KHDRBS2: variants seen among roughly 807,000 people sequenced by gnomAD.
The protein encoded by KHDRBS2 is KH RNA binding domain containing, signal transduction associated 2.
A neutral mutation model predicts 44.3 loss-of-function variants in KHDRBS2; 26 were observed. The observed-to-expected ratio is 0.59, with a 90% CI of 0.43 to 0.81. The LOEUF (loss-of-function observed/expected upper bound fraction) is 0.81, where lower values mean the gene tolerates loss of function less well. Among genes scored for constraint, KHDRBS2 ranks in the 40% least tolerant of loss-of-function variants. The probability of loss-of-function intolerance (pLI) is 0.00; values close to 1 mark genes in which losing one functional copy is unlikely to be tolerated. For synonymous variants in KHDRBS2, 194 were observed against 151.1 expected (o/e 1.28, Z -2.08); for missense variants, 476 against 433.1 (o/e 1.10, Z -0.88).
At chr6:61,875,112 T>G (rs1450649090) in intron 6 of KHDRBS2, among the ~76,000 whole-genome samples, 1 of 151,916 alleles carries the variant, frequency 6.6e-6, no homozygotes, top group Non-Finnish European at 1.5e-5. Context: ...GAATTTTGAT[T>G]TGGGGACCTG....
In KHDRBS2 at chr6:61,981,414, A is replaced by T. The variant is rs113469096; in HGVS notation, c.337-3202T>A. ...TACGCTTTATGTTAACATTTATCAC[A>T]TCTTTAATTATTTATGAGAACCAAG... On this transcript the variant is annotated intron_variant, in intron 3 of 8. Coordinates refer to ENST00000281156, the MANE Select transcript of KHDRBS2 (RefSeq NM_152688.4). Among the ~76,000 whole-genome samples the T allele has an allele frequency of 6.6e-5, 10 of 151,526 alleles. 1 individual carries two copies. Among genetic ancestry groups the T allele is most frequent in the Admixed American group, 3.3e-4 (5 of 15,146 alleles).
At chr6:61,746,534 A>G in intron 6 of KHDRBS2, among the ~76,000 whole-genome samples, 1 of 151,822 alleles carries the variant, frequency 6.6e-6, no homozygotes, top group East Asian at 1.9e-4. Flanking sequence ...TACGTGTCAT[A>G]TTTTCTTTAT....
chr6:61,853,141 G>A (rs1795694334), intron 6 of KHDRBS2, among the ~76,000 whole-genome samples: 1 of 151,976 alleles, frequency 6.6e-6, no homozygotes, highest in Non-Finnish European at 1.5e-5. Context: ...TATTTTCCTT[G>A]ACCTTGGATT....
At chr6:62,283,353 A>G (rs989050713) in intron 1 of KHDRBS2, among the ~76,000 whole-genome samples, 229 of 152,280 alleles carry the variant, frequency 1.5e-3, no homozygotes, top group African/African-American at 5.3e-3. Flanking sequence ...ATTCTACATG[A>G]AGCACTGTCA....
At chr6:61,905,340 C>G (rs950103560) in intron 4 of KHDRBS2, among the ~76,000 whole-genome samples, 1 of 151,480 alleles carries the variant, frequency 6.6e-6, no homozygotes, top group Non-Finnish European at 1.5e-5. Flanking sequence ...CGTAAGAGTG[C>G]TCTAGTAGAA....
chr6:61,553,083 C>T, the KHDRBS2 span, among the ~76,000 whole-genome samples: 1 of 152,174 alleles, frequency 6.6e-6, no homozygotes, highest in African/African-American at 2.4e-5. Context: ...ATAATACTTG[C>T]TCTTCTTTAT....
At chr6:62,147,050 T>C (rs1241758866) in intron 2 of KHDRBS2, among the ~76,000 whole-genome samples, 2 of 151,936 alleles carry the variant, frequency 1.3e-5, no homozygotes, top group Middle Eastern at 3.2e-3. Context: ...TTATAAGATA[T>C]ACAAAAGGAT....
chr6:61,711,087 G>A (rs1770441943), intron 7 of KHDRBS2, among the ~76,000 whole-genome samples: 1 of 150,974 alleles, frequency 6.6e-6, no homozygotes, highest in South Asian at 2.1e-4. Flanking sequence ...CAAGAATAGT[G>A]ATATTCAATA....
In KHDRBS2 at chr6:61,785,153, A is replaced by C. The variant is rs565826682; in HGVS notation, c.811-52389T>G. Among the ~76,000 whole-genome samples the C allele has an allele frequency of 6.9e-3, 1,038 of 151,096 alleles. 15 individuals are homozygous for C. Among genetic ancestry groups the C allele is most frequent in the African/African-American group, 0.017 (713 of 40,996 alleles). Reference sequence around the variant, plus strand: ...CGAGAGAGTGAGACCTTGTCCTAAAAAAACAAACAAACAAACAACAACAAC... The same window carrying C: ...CGAGAGAGTGAGACCTTGTCCTAAACAAACAAACAAACAAACAACAACAAC... On this transcript the variant is annotated intron_variant, in intron 6 of 8. Transcript: ENST00000281156.
At chr6:62,254,912 AT>A (rs781492767) in intron 1 of KHDRBS2, among the ~76,000 whole-genome samples, 1 of 152,120 alleles carries the variant, frequency 6.6e-6, no homozygotes, top group Non-Finnish European at 1.5e-5. Context: ...TTGATAATGC[AT>A]GTAAAGTATT....
At chr6:61,856,819 A>G (rs947589582) in intron 6 of KHDRBS2, among the ~76,000 whole-genome samples, 2 of 152,064 alleles carry the variant, frequency 1.3e-5, no homozygotes, top group Admixed American at 1.3e-4. Context: ...AGGTCAAGGC[A>G]TATCCCTCGG....
At chr6:62,203,903 C>CA (rs1377935787) in intron 1 of KHDRBS2, among the ~76,000 whole-genome samples, 1 of 152,146 alleles carries the variant, frequency 6.6e-6, no homozygotes, top group Non-Finnish European at 1.5e-5. Flanking sequence ...GCAGAGGTCC[C>CA]AAGAATGGCT....
At chr6:61,685,186 G>C (rs1199004292) in intron 8 of KHDRBS2, among the ~76,000 whole-genome samples, 2 of 151,774 alleles carry the variant, frequency 1.3e-5, no homozygotes, top group Non-Finnish European at 2.9e-5. Flanking sequence ...TCTCAAAGAA[G>C]AGATTTTCTG....
intron 6 of KHDRBS2, among the ~76,000 whole-genome samples, chr6:61,830,568 T>C (rs1265650043): frequency 1.3e-5 from 2 of 152,320 alleles, no homozygotes; most frequent in Non-Finnish European, 2.9e-5. Context: ...AGAATTTAGT[T>C]TTGAAGCTTT....
chr6:61,646,249 G>T, the KHDRBS2 span, among the ~76,000 whole-genome samples: 50,623 of 151,996 alleles, frequency 0.33, 9,462 homozygotes, highest in East Asian at 0.49. Flanking sequence ...GGAATGTTAT[G>T]TAAATGAGCA....
chr6:61,961,264 T>TA (rs1358285352), intron 4 of KHDRBS2, among the ~76,000 whole-genome samples: 1 of 151,598 alleles, frequency 6.6e-6, no homozygotes, highest in Non-Finnish European at 1.5e-5. Flanking sequence ...AAACATCCAA[T>TA]AAAAAAATGG....
chr6:62,063,253 G>C (rs1412007184), intron 2 of KHDRBS2, among the ~76,000 whole-genome samples: 1 of 146,418 alleles, frequency 6.8e-6, no homozygotes, highest in Non-Finnish European at 1.5e-5. Flanking sequence ...AATAGAAAAA[G>C]AGGGAATCCT....
At chr6:62,161,687 C>A (rs209008) in intron 2 of KHDRBS2, among the ~76,000 whole-genome samples, 8,738 of 150,306 alleles carry the variant, frequency 0.058, 857 homozygotes, top group African/African-American at 0.2. Flanking sequence ...TGTTTTATAG[C>A]ATTTTTGTCC....
chr6:61,671,779 C>T, the KHDRBS2 span, among the ~76,000 whole-genome samples: 1 of 151,728 alleles, frequency 6.6e-6, no homozygotes, highest in African/African-American at 2.4e-5. Context: ...GTTCTTAACA[C>T]ATGACTGCAT....
Sources: gnomAD v4.1 joint callset for allele counts (sites outside exome capture counted in the v4.1 genomes callset) on GRCh38, gnomAD v4.1.1 for gene constraint, MANE v1.5 for transcripts, NCBI Gene and HGNC (gene_info 2026-07-23, HGNC 2026-07-21) for gene names.